Variants in RXFP1 observed in about 807,000 individuals in gnomAD.
The protein encoded by RXFP1 is relaxin receptor 1.
In RXFP1, 73 loss-of-function variants were observed where a neutral mutation model predicts 89.8. That is an observed-to-expected ratio of 0.81 (90% CI 0.67 to 0.99). The LOEUF (loss-of-function observed/expected upper bound fraction) is 0.99. Ranked by LOEUF, RXFP1 falls within the 50% of genes least tolerant of loss-of-function variation. RXFP1 has a pLI of 0.00. For synonymous variants in RXFP1, 277 were observed against 305.5 expected (o/e 0.91, Z 0.97); for missense variants, 793 against 895.5 (o/e 0.89, Z 1.46).
intron 1 of RXFP1, among the ~76,000 whole-genome samples, chr4:158,567,808 A>G (rs529206842): frequency 2.2e-4 from 34 of 152,300 alleles, no homozygotes; most frequent in Non-Finnish European, 4.4e-4. Context: ...TCTCTGTAAA[A>G]CGGACCAATC....
At chr4:158,628,595 G>T in intron 10 of RXFP1, 43 bp from the exon 11 acceptor site, 1 of 939,386 alleles carries the variant, frequency 1.1e-6, no homozygotes, top group Non-Finnish European at 1.7e-6. Flanking sequence ...ATTCTTGTCG[G>T]TTACCTAAAG....
At chr4:158,595,619 A>G (rs1366731044) in intron 3 of RXFP1, among the ~76,000 whole-genome samples, 1 of 152,218 alleles carries the variant, frequency 6.6e-6, no homozygotes, top group African/African-American at 2.4e-5. Context: ...GCATAGAGGA[A>G]GAAATCCTTT....
At chr4:158,616,799 G>A (rs1339239713) in intron 8 of RXFP1, among the ~76,000 whole-genome samples, 1 of 151,540 alleles carries the variant, frequency 6.6e-6, no homozygotes, top group East Asian at 1.9e-4. Flanking sequence ...AAGAGTTTGA[G>A]ACCAGCCTGG....
At chr4:158,572,130 C>G (rs1269067496) in intron 1 of RXFP1, among the ~76,000 whole-genome samples, 1 of 152,188 alleles carries the variant, frequency 6.6e-6, no homozygotes, top group Non-Finnish European at 1.5e-5. Context: ...TGCCCCAAAA[C>G]CCGGAAACCC....
At chr4:158,627,504 G>GGGGTGTGTGT (rs1165448985) in intron 10 of RXFP1, among the ~76,000 whole-genome samples, 2 of 143,358 alleles carry the variant, frequency 1.4e-5, no homozygotes, top group African/African-American at 5.2e-5. Context: ...TGAGCCTTAG[G>GGGGTGTGTGT]GTGTGTGTGT....
Position 158,653,024 on chromosome 4 carries a change from C to G in RXFP1, c.*969C>G, listed in dbSNP as rs1772996344. On this transcript the variant is annotated 3_prime_UTR_variant, in exon 18 of 18. Coordinates refer to ENST00000307765, the MANE Select transcript of RXFP1 (RefSeq NM_021634.4). ...TAAAAGGAAAAAGAGCTGGAATGCA[C>G]TGATTCAGGAACTTAATTTCAGGAA... 1 of 152,178 alleles carries G rather than the reference C, an allele frequency of 6.6e-6. No homozygotes were observed. Among genetic ancestry groups the G allele is most frequent in the African/African-American group, 2.4e-5 (1 of 41,430 alleles). 9.4% of individuals were successfully genotyped at this position (152,178 alleles called of 1,614,324 possible). A position where few individuals can be genotyped will look rare whatever the true frequency, so the allele number is the denominator to read the frequency against.
At chr4:158,645,757 A>G (rs1771413646) in intron 15 of RXFP1, among the ~76,000 whole-genome samples, 1 of 152,120 alleles carries the variant, frequency 6.6e-6, no homozygotes, top group African/African-American at 2.4e-5. Flanking sequence ...GAATTTATCC[A>G]TGCTCCCTCA....
At chr4:158,602,962 A>C (rs1175231464) in intron 4 of RXFP1, among the ~76,000 whole-genome samples, 1 of 152,138 alleles carries the variant, frequency 6.6e-6, no homozygotes, top group Non-Finnish European at 1.5e-5. Context: ...ACAGGGTCTC[A>C]CTGTGCCCCC....
At chr4:158,585,803 G>C (rs1758199360) in intron 2 of RXFP1, among the ~76,000 whole-genome samples, 1 of 152,212 alleles carries the variant, frequency 6.6e-6, no homozygotes, top group Non-Finnish European at 1.5e-5. Flanking sequence ...GCATGAAGCA[G>C]ATTACAGTAA....
intron 2 of RXFP1, among the ~76,000 whole-genome samples, chr4:158,578,241 A>T (rs1027620862): frequency 6.6e-6 from 1 of 152,160 alleles, no homozygotes; most frequent in Non-Finnish European, 1.5e-5. Flanking sequence ...TTTTTTTGCC[A>T]TGTGTCACTA....
chr4:158,644,195 C>T (rs534577034), intron 14 of RXFP1, among the ~76,000 whole-genome samples: 16 of 151,718 alleles, frequency 1.1e-4, no homozygotes, highest in African/African-American at 1.9e-4. Context: ...TACAGGAGCC[C>T]GCCACCACGC....
intron 6 of RXFP1, chr4:158,610,630 C>G: frequency 7.9e-7 from 1 of 1,259,950 alleles, no homozygotes; most frequent in Non-Finnish European, 1.0e-6. Context: ...GTGATTATCT[C>G]AGGTCCAGAG....
At chr4:158,622,755 TATGAG>T (rs964525279) in intron 9 of RXFP1, among the ~76,000 whole-genome samples, 2 of 152,126 alleles carry the variant, frequency 1.3e-5, no homozygotes, top group African/African-American at 4.8e-5. Context: ...AAATTACAGT[TATGAG>T]ATGAATAAGC....
At position 158,593,500 on chromosome 4, in the gene RXFP1, G is replaced by A. The variant is rs1759941093; in HGVS notation, c.286+1G>A. On this transcript the variant is annotated splice_donor_variant, in intron 3 of 17. Transcript: ENST00000307765. LOFTEE classifies it high-confidence loss of function. The stretch of plus-strand genomic sequence containing the variant: ...TTTGAGGCAGAAACACCTGAATGTT[G>A]TAAGTAATCAGAGCAGTTATTTTCT... 1.3e-6 allele frequency: 2 copies of A among 1,557,068 alleles called. No individual in the cohort carries two copies. Among genetic ancestry groups the A allele is most frequent in the Non-Finnish European group, 1.8e-6 (2 of 1,131,848 alleles).
intron 1 of RXFP1, among the ~76,000 whole-genome samples, chr4:158,546,326 C>A (rs570288144): frequency 1.3e-5 from 2 of 152,260 alleles, no homozygotes; most frequent in East Asian, 3.9e-4. Context: ...TCTGAAGTTG[C>A]TTATCAGCTT....
Position 158,568,076 on chromosome 4 carries a change from C to T in RXFP1, c.50-4622C>T, listed in dbSNP as rs371972640. Among the ~76,000 whole-genome samples the T allele has an allele frequency of 7.2e-5, 11 of 152,344 alleles. No homozygotes were observed. The South Asian group carries it at 1.5e-3, about 20-fold the overall frequency. ...GGAATGAACAACTCCGAACACACTGCCTTTATGAGCTGTAATACTCACCAC... is the reference window on the plus strand; with the variant it reads ...GGAATGAACAACTCCGAACACACTGTCTTTATGAGCTGTAATACTCACCAC... On this transcript the variant is annotated intron_variant, in intron 1 of 17. Transcript: ENST00000307765.
intron 4 of RXFP1, among the ~76,000 whole-genome samples, chr4:158,600,203 T>G (rs868119778): frequency 6.6e-6 from 1 of 152,214 alleles, no homozygotes. Flanking sequence ...TTTGGGTATA[T>G]GAGGACAAAA....
At chr4:158,639,195 A>T (rs1013354170) in intron 13 of RXFP1, 65 bp from the exon 14 acceptor site, 1 of 911,232 alleles carries the variant, frequency 1.1e-6, no homozygotes, top group African/African-American at 1.7e-5. Context: ...CTTCACAGAA[A>T]CTCAATTTAT....
chr4:158,570,384 C>A (rs1487369009), intron 1 of RXFP1, among the ~76,000 whole-genome samples: 2 of 152,102 alleles, frequency 1.3e-5, no homozygotes, highest in Non-Finnish European at 2.9e-5. Flanking sequence ...AGAAAACTCA[C>A]ATGGTGAAGC....
Sources: allele counts gnomAD v4.1 joint callset (sites outside exome capture counted in the v4.1 genomes callset), GRCh38; gene constraint gnomAD v4.1.1; transcripts MANE v1.5; gene names NCBI Gene and HGNC (gene_info 2026-07-23, HGNC 2026-07-21).